ZDHHC2: variants seen among roughly 807,000 people sequenced by gnomAD.
ZDHHC2 encodes zDHHC palmitoyltransferase 2.
In ZDHHC2, 51 loss-of-function variants were observed where a neutral mutation model predicts 55.6. The observed-to-expected ratio is 0.92, with a 90% CI of 0.73 to 1.16. ZDHHC2 has a LOEUF of 1.16. Among genes scored for constraint, ZDHHC2 ranks in the 50% most tolerant of loss-of-function variants. The pLI is 0.00. For missense variants in ZDHHC2, 491 were observed against 442.4 expected (o/e 1.11, Z -0.99); for synonymous variants, 199 against 152.9 (o/e 1.30, Z -2.22).
intron 5 of ZDHHC2, 140 bp from the exon 6 acceptor site, chr8:17,198,241 C>G (rs1267179200): frequency 4.4e-6 from 3 of 681,694 alleles, no homozygotes; most frequent in East Asian, 3.3e-5. Flanking sequence ...CTGCTATTAT[C>G]CAATTTTTAG....
intron 7 of ZDHHC2, among the ~76,000 whole-genome samples, chr8:17,206,786 G>T (rs549703891): frequency 5.3e-5 from 8 of 152,122 alleles, no homozygotes; most frequent in Non-Finnish European, 1.2e-4. Context: ...CTGCTGCCAG[G>T]ATTGATGTAT....
At chr8:17,195,409 T>G in intron 3 of ZDHHC2, 95 bp from the exon 4 acceptor site, 1 of 1,374,644 alleles carries the variant, frequency 7.3e-7, no homozygotes, top group Non-Finnish European at 9.9e-7. Flanking sequence ...ATACCATTAA[T>G]ATTTTATAAA....
At chr8:17,182,709 T>C (rs572908374) in intron 1 of ZDHHC2, among the ~76,000 whole-genome samples, 16 of 152,210 alleles carry the variant, frequency 1.1e-4, no homozygotes, top group Non-Finnish European at 1.6e-4. Context: ...ATCAGGCTTA[T>C]AGAGTAGTGG....
At chr8:17,161,728 G>T (rs1804352891) in intron 1 of ZDHHC2, among the ~76,000 whole-genome samples, 1 of 152,040 alleles carries the variant, frequency 6.6e-6, no homozygotes, top group African/African-American at 2.4e-5. Context: ...GTGTGGTGGT[G>T]CGTGCCTGTA....
At chr8:17,161,095 A>G (rs1585634496) in intron 1 of ZDHHC2, among the ~76,000 whole-genome samples, 1 of 152,310 alleles carries the variant, frequency 6.6e-6, no homozygotes, top group East Asian at 1.9e-4. Flanking sequence ...AACAAACAAG[A>G]AAACAAACAT....
At chr8:17,201,922 C>T (rs974915526) in intron 6 of ZDHHC2, among the ~76,000 whole-genome samples, 1 of 152,144 alleles carries the variant, frequency 6.6e-6, no homozygotes, top group Admixed American at 6.5e-5. Context: ...AATCTCTGCT[C>T]TGGCCACTTA....
At chr8:17,174,864 C>G (rs947434137) in intron 1 of ZDHHC2, among the ~76,000 whole-genome samples, 6 of 151,856 alleles carry the variant, frequency 4.0e-5, no homozygotes, top group Admixed American at 2.0e-4. Flanking sequence ...GTGTGCGCCA[C>G]CACACCCAGC....
chr8:17,210,262 A>G (rs1247795136), intron 9 of ZDHHC2, 126 bp from the exon 10 acceptor site: 12 of 1,078,846 alleles, frequency 1.1e-5, no homozygotes, highest in African/African-American at 3.2e-5. Context: ...GTTGAGCTCA[A>G]TGTCTAATAC....
chr8:17,178,525 C>A (rs76694173), intron 1 of ZDHHC2, among the ~76,000 whole-genome samples: 2 of 152,156 alleles, frequency 1.3e-5, no homozygotes, highest in Non-Finnish European at 2.9e-5. Context: ...CATACTTTCC[C>A]TGTCTCAGCT....
At chr8:17,163,393 A>G (rs923346266) in intron 1 of ZDHHC2, among the ~76,000 whole-genome samples, 14 of 152,108 alleles carry the variant, frequency 9.2e-5, no homozygotes, top group African/African-American at 3.4e-4. Context: ...TTTTTTCGTT[A>G]CCATGGTGAG....
intron 6 of ZDHHC2, among the ~76,000 whole-genome samples, chr8:17,201,257 C>T (rs1806746803): frequency 6.6e-6 from 1 of 151,936 alleles, no homozygotes; most frequent in Non-Finnish European, 1.5e-5. Context: ...CCTATAAACC[C>T]CCTTGTTATT....
chr8:17,201,059 T>G (rs1806736066), intron 6 of ZDHHC2, among the ~76,000 whole-genome samples: 1 of 152,232 alleles, frequency 6.6e-6, no homozygotes, highest in Non-Finnish European at 1.5e-5. Flanking sequence ...ATTTAATTTT[T>G]TAATTTCAAA....
chr8:17,172,392 AAG>A (rs1271653503), intron 1 of ZDHHC2, among the ~76,000 whole-genome samples: 1 of 152,176 alleles, frequency 6.6e-6, no homozygotes. Context: ...AGCTAAAGGA[AAG>A]AGAGACCGTT....
intron 1 of ZDHHC2, among the ~76,000 whole-genome samples, chr8:17,162,552 G>T (rs1804400783): frequency 6.6e-6 from 1 of 152,138 alleles, no homozygotes; most frequent in Non-Finnish European, 1.5e-5. Flanking sequence ...TAGAAAGAAG[G>T]CAGCTTCTTG....
At chr8:17,184,928 C>G (rs1805634803) in intron 2 of ZDHHC2, 113 bp downstream of exon 2, 2 of 946,002 alleles carry the variant, frequency 2.1e-6, no homozygotes, top group South Asian at 1.8e-5. Context: ...TGGAGACAAG[C>G]TAGGGTTAAA....
At chr8:17,183,442 G>C (rs928148471) in intron 1 of ZDHHC2, among the ~76,000 whole-genome samples, 1 of 152,194 alleles carries the variant, frequency 6.6e-6, no homozygotes, top group African/African-American at 2.4e-5. Context: ...AGCAAACTCT[G>C]ACTAGCCTCT....
At position 17,222,160 on chromosome 8, in the gene ZDHHC2, A is replaced by T. The variant is rs957419296; in HGVS notation, c.*1939A>T. On this transcript the variant is annotated 3_prime_UTR_variant, in exon 13 of 13. Transcript: ENST00000262096. ...CACAGTCTTTTATATAATTAAATAT[A>T]TGTCAATACACATTAGAATCAGATT... is the stretch of plus-strand genomic sequence containing the variant. The T allele has an allele frequency of 6.6e-6, 1 of 151,716 alleles. No homozygotes were observed. The highest frequency in any genetic ancestry group is 1.5e-5 in the Non-Finnish European group (1 of 67,778). 9.4% of individuals were successfully genotyped at this position (151,716 alleles called of 1,614,324 possible). A position where few individuals can be genotyped will look rare whatever the true frequency, so the allele number is the denominator to read the frequency against.
chr8:17,211,889 T>G (rs1807401672), intron 10 of ZDHHC2, among the ~76,000 whole-genome samples: 2 of 152,306 alleles, frequency 1.3e-5, no homozygotes, highest in African/African-American at 4.8e-5. Context: ...AAATCTAGTT[T>G]TAATAAATTA....
At position 17,215,219 on chromosome 8, in the gene ZDHHC2, T is replaced by G. The variant is rs765402242; in HGVS notation, c.951-18T>G. The G allele has an allele frequency of 2.6e-5, 40 of 1,545,586 alleles. No homozygotes were observed. The highest frequency in any genetic ancestry group is 1.4e-4 in the East Asian group (6 of 42,732). On this transcript the variant is annotated intron_variant, in intron 10 of 12. Transcript: ENST00000262096. ...ATTAGCTTATGATGATTTTGATGAT[T>G]ATTCAATTATTATTCAGTCTCGAAA...
Sources: gnomAD v4.1 joint callset for allele counts (sites outside exome capture counted in the v4.1 genomes callset) on GRCh38, gnomAD v4.1.1 for gene constraint, MANE v1.5 for transcripts, NCBI Gene and HGNC (gene_info 2026-07-23, HGNC 2026-07-21) for gene names.